The following DENND2B variants were observed in gnomAD, a reference collection of about 807,000 sequenced individuals.
DENND2B encodes the protein DENN domain containing 2B, also known as DENN domain-containing protein 2B.
In DENND2B, 32 loss-of-function variants were observed where a neutral mutation model predicts 116.0. That is an observed-to-expected ratio of 0.28 (90% CI 0.21 to 0.37). The LOEUF (loss-of-function observed/expected upper bound fraction) is 0.37, where lower values mean the gene tolerates loss of function less well. Ranked by LOEUF, DENND2B falls within the 10% of genes least tolerant of loss-of-function variation. DENND2B has a pLI of 1.00. For missense variants in DENND2B, 1,276 were observed against 1,477.7 expected, an observed-to-expected ratio of 0.86 and a Z score of 2.24; for synonymous variants, 588 against 583.9, an observed-to-expected ratio of 1.01 and a Z score of -0.10.
intron 14 of DENND2B, among the ~76,000 whole-genome samples, chr11:8,701,344 C>CAGGGGCGGG: frequency 8.9e-5 from 1 of 11,240 alleles, no homozygotes; most frequent in East Asian, 3.5e-3. Flanking sequence ...GGCCAGCTTC[C>CAGGGGCGGG]GGGGGGGGGG....
At chr11:8,811,617 T>C (rs968687934), upstream of DENND2B, 11 of 332,402 alleles carry the variant, frequency 3.3e-5, no homozygotes, top group Non-Finnish European at 4.9e-5. Context: ...CTACCCAGCA[T>C]ACATTTCTGC....
intron 1 of DENND2B, among the ~76,000 whole-genome samples, chr11:8,891,274 C>G (rs572904546): frequency 6.6e-6 from 1 of 152,288 alleles, no homozygotes; most frequent in East Asian, 1.9e-4. Context: ...CGGTACCAGC[C>G]ACTGCAAAAA....
chr11:8,716,947 G>C (rs1278326376), intron 5 of DENND2B, among the ~76,000 whole-genome samples: 1 of 152,056 alleles, frequency 6.6e-6, no homozygotes, highest in Non-Finnish European at 1.5e-5. Context: ...CCAGCTATGG[G>C]GTAAATCTTT....
intron 1 of DENND2B, among the ~76,000 whole-genome samples, chr11:8,787,553 T>A (rs1295252157): frequency 2.6e-5 from 4 of 152,142 alleles, no homozygotes; most frequent in Non-Finnish European, 5.9e-5. Context: ...AGAGGAGAAC[T>A]TTTCTCTCAA....
intron 1 of DENND2B, among the ~76,000 whole-genome samples, chr11:8,892,835 C>A (rs937424874): frequency 6.6e-6 from 1 of 152,190 alleles, no homozygotes; most frequent in Non-Finnish European, 1.5e-5. Flanking sequence ...GGAGCTGGTA[C>A]CATTCCTTCT....
At chr11:8,860,860 A>G (rs2063367224) in intron 2 of DENND2B, among the ~76,000 whole-genome samples, 1 of 152,182 alleles carries the variant, frequency 6.6e-6, no homozygotes, top group South Asian at 2.1e-4. Context: ...GTGAAACAGA[A>G]TAGAGAACCC....
At chr11:8,832,640 G>A (rs1455665923) in intron 4 of DENND2B, 2 of 152,516 alleles carry the variant, frequency 1.3e-5, no homozygotes, top group Admixed American at 6.5e-5. Flanking sequence ...CAGCCCCAGA[G>A]CCCAGAGGCA....
At chr11:8,830,428 A>G (rs1257611715) in intron 4 of DENND2B, among the ~76,000 whole-genome samples, 1 of 152,216 alleles carries the variant, frequency 6.6e-6, no homozygotes, top group Non-Finnish European at 1.5e-5. Context: ...AAGATCTTGG[A>G]TATTCTCTAC....
At chr11:8,750,245 C>T (rs971421479) in intron 2 of DENND2B, among the ~76,000 whole-genome samples, 1 of 152,092 alleles carries the variant, frequency 6.6e-6, no homozygotes, top group East Asian at 1.9e-4. Flanking sequence ...TGCTAATATG[C>T]GTAACTGCCT....
At chr11:8,841,475 C>CA (rs1440066268) in intron 3 of DENND2B, among the ~76,000 whole-genome samples, 3 of 151,804 alleles carry the variant, frequency 2.0e-5, no homozygotes, top group African/African-American at 4.8e-5. Flanking sequence ...CTCATCTCTA[C>CA]AAAAAAAATC....
chr11:8,845,896 T>A (rs2062794723), intron 3 of DENND2B, among the ~76,000 whole-genome samples: 1 of 151,756 alleles, frequency 6.6e-6, no homozygotes, highest in South Asian at 2.1e-4. Flanking sequence ...CTAAATGTGC[T>A]CAATAAAGGT....
At chr11:8,759,730 C>T (rs763478639) in intron 1 of DENND2B, among the ~76,000 whole-genome samples, 2 of 152,226 alleles carry the variant, frequency 1.3e-5, no homozygotes, top group Non-Finnish European at 2.9e-5. Context: ...CCTGCCTACT[C>T]ATCCTGCCCA....
chr11:8,725,981 C>T, intron 4 of DENND2B, 92 bp downstream of exon 4: 1 of 1,583,344 alleles, frequency 6.3e-7, no homozygotes, highest in Non-Finnish European at 8.6e-7. Context: ...TGCCTGCCCA[C>T]AGTGAAGGAG....
chr11:8,699,442 G>A, intron 14 of DENND2B, 52 bp from the exon 15 acceptor site: 1 of 1,519,154 alleles, frequency 6.6e-7, no homozygotes, highest in African/African-American at 1.4e-5. Flanking sequence ...CAGGAACTTA[G>A]AGCTCGCTGG....
At position 8,776,153 on chromosome 11, in the gene DENND2B, C is replaced by T. The variant is rs776959173; in HGVS notation, c.-25-25428G>A. 2,000 of 398,702 alleles carry T rather than the reference C, an allele frequency of 5.0e-3. 53 individuals carry two copies. Among genetic ancestry groups the T allele is most frequent in the African/African-American group, 0.045 (1,813 of 40,628 alleles). 24.7% of individuals were successfully genotyped at this position (398,702 alleles called of 1,614,324 possible). ...ACAGACACGCACGTGCGCGCACGCG[C>T]GCGCGCGCACACACACACACACACA... On this transcript the variant is annotated intron_variant, in intron 1 of 19. Transcript: ENST00000313726.
At chr11:8,813,140 T>C (rs1448414046), upstream of DENND2B, among the ~76,000 whole-genome samples, 2 of 152,158 alleles carry the variant, frequency 1.3e-5, no homozygotes, top group African/African-American at 4.8e-5. Context: ...TTTTCATTAA[T>C]TTCCAGCATA....
chr11:8,744,357 C>T (rs2050837219), intron 2 of DENND2B, among the ~76,000 whole-genome samples: 1 of 152,106 alleles, frequency 6.6e-6, no homozygotes, highest in Non-Finnish European at 1.5e-5. Context: ...TGGTCTCGAA[C>T]TCCTGATCTC....
chr11:8,694,331 C>A (rs947716919), intron 19 of DENND2B, among the ~76,000 whole-genome samples: 9 of 152,170 alleles, frequency 5.9e-5, no homozygotes, highest in Non-Finnish European at 1.2e-4. Context: ...TGTGGTTTTA[C>A]GCAAGCCACT....
At chr11:8,910,171 T>C (rs2064298576) in intron 1 of DENND2B, among the ~76,000 whole-genome samples, 2 of 151,600 alleles carry the variant, frequency 1.3e-5, no homozygotes, top group Non-Finnish European at 2.9e-5. Context: ...CGCTGAGGGA[T>C]TATGAGAGAC....
Sources: allele counts gnomAD v4.1 joint callset (sites outside exome capture counted in the v4.1 genomes callset), GRCh38; gene constraint gnomAD v4.1.1; transcripts MANE v1.5; gene names NCBI Gene and HGNC (gene_info 2026-07-23, HGNC 2026-07-21).